CFAP57: variants seen among roughly 807,000 people sequenced by gnomAD.
The protein encoded by CFAP57 is cilia- and flagella-associated protein 57.
Under a neutral mutation model 146.8 loss-of-function variants are expected in CFAP57, and 116 were observed. The observed-to-expected ratio is 0.79, with a 90% CI of 0.68 to 0.92. CFAP57 has a LOEUF of 0.92. Among genes scored for constraint, CFAP57 ranks in the 40% least tolerant of loss-of-function variants. CFAP57 has a pLI of 0.00. For synonymous variants in CFAP57, 518 were observed against 552.8 expected, an observed-to-expected ratio of 0.94 and a Z score of 0.88; for missense variants, 1,377 against 1,527.2, an observed-to-expected ratio of 0.90 and a Z score of 1.64.
intron 18 of CFAP57, among the ~76,000 whole-genome samples, chr1:43,231,817 A>G (rs1431091411): frequency 6.6e-6 from 1 of 152,150 alleles, no homozygotes; most frequent in African/African-American, 2.4e-5. Flanking sequence ...CAGTGAGCCA[A>G]GATAGAGATC....
intron 17 of CFAP57, among the ~76,000 whole-genome samples, chr1:43,224,807 C>T (rs192184892): frequency 7.7e-4 from 117 of 152,330 alleles, no homozygotes; most frequent in Admixed American, 1.4e-3. Flanking sequence ...CCTGCCACTA[C>T]GGCCCAAGGC....
chr1:43,193,225 T>C (rs372162311), intron 6 of CFAP57, among the ~76,000 whole-genome samples: 34 of 152,214 alleles, frequency 2.2e-4, no homozygotes, highest in African/African-American at 8.2e-4. Flanking sequence ...TCTTTTTTCA[T>C]CCTTTTACTC....
At chr1:43,234,146 C>A (rs1645589333) in intron 19 of CFAP57, 133 bp from the exon 20 acceptor site, 2 of 1,074,908 alleles carry the variant, frequency 1.9e-6, no homozygotes, top group Non-Finnish European at 2.5e-6. Flanking sequence ...CCCAGTATGG[C>A]CCCTGGCAGT....
intron 6 of CFAP57, among the ~76,000 whole-genome samples, chr1:43,190,319 G>A (rs892413714): frequency 5.4e-5 from 8 of 147,106 alleles, no homozygotes; most frequent in Non-Finnish European, 8.9e-5. Flanking sequence ...CACCCAGGCT[G>A]GAGGGCAGTG....
intron 22 of CFAP57, among the ~76,000 whole-genome samples, chr1:43,251,815 C>T (rs573170172): frequency 3.4e-4 from 52 of 152,284 alleles, no homozygotes; most frequent in African/African-American, 1.1e-3. Flanking sequence ...AAAGCTAAAT[C>T]CTCGTCTTTC....
chr1:43,240,638 T>C (rs1353286787), intron 21 of CFAP57, among the ~76,000 whole-genome samples: 1 of 152,176 alleles, frequency 6.6e-6, no homozygotes, highest in African/African-American at 2.4e-5. Flanking sequence ...GGGCATTTCA[T>C]CCGAGACAGA....
intron 21 of CFAP57, among the ~76,000 whole-genome samples, chr1:43,236,505 C>G (rs1645695641): frequency 6.8e-6 from 1 of 147,938 alleles, no homozygotes; most frequent in South Asian, 2.1e-4. Context: ...GAAGAAAACA[C>G]CAACCTGAGA....
At chr1:43,207,772 C>T (rs1644418861) in intron 10 of CFAP57, among the ~76,000 whole-genome samples, 1 of 152,206 alleles carries the variant, frequency 6.6e-6, no homozygotes, top group Admixed American at 6.5e-5. Context: ...TGGTTCCTCC[C>T]ACTTTTCCTG....
chr1:43,249,605 T>C (rs1454020966), intron 22 of CFAP57, among the ~76,000 whole-genome samples: 4 of 143,660 alleles, frequency 2.8e-5, no homozygotes, highest in Non-Finnish European at 4.6e-5. Flanking sequence ...AACTTTTTTT[T>C]TTTTTTTTTT....
chr1:43,222,231 C>A lies in CFAP57; in HGVS notation c.2468C>A (p.Ala823Asp). 1 of 1,504,722 alleles carries A rather than the reference C, an allele frequency of 6.6e-7. No individual in the cohort carries two copies. The highest frequency in any genetic ancestry group is 2.6e-5 in the East Asian group (1 of 39,134). The allele number at this position is 1,504,722 out of a possible 1,614,324, so 93.2% of individuals were successfully genotyped here. The change falls in exon 15 of 23, where the codon GCC (alanine) becomes GAC (aspartate). Residue 823 changes from alanine to aspartate, a missense_variant. Physicochemically the swap from Ala to Asp is moderately radical, Grantham distance 126. Coordinates refer to ENST00000372492, the MANE Select transcript of CFAP57 (RefSeq NM_001378189.1). ...GATAACGATGAGACCAAGAGCCAGG[C>A]CCTGGAGGAGCTGACTGAGTTTTAC... is the stretch of plus-strand genomic sequence containing the variant. Reference protein sequence around the residue: ...LRDNDETKSQALEELTEFYEA... With the variant: ...LRDNDETKSQDLEELTEFYEA...
chr1:43,189,302 G>T (rs1339692084), intron 6 of CFAP57, among the ~76,000 whole-genome samples: 2 of 152,190 alleles, frequency 1.3e-5, no homozygotes, highest in Non-Finnish European at 2.9e-5. Flanking sequence ...TCCTCACCGG[G>T]ATTGCATTGA....
At chr1:43,242,981 G>A (rs1471151521) in intron 21 of CFAP57, among the ~76,000 whole-genome samples, 2 of 152,116 alleles carry the variant, frequency 1.3e-5, no homozygotes, top group Non-Finnish European at 1.5e-5. Context: ...TGTTGTTGCT[G>A]TTGACGTTGC....
chr1:43,245,351 A>G (rs76337531), intron 22 of CFAP57, among the ~76,000 whole-genome samples: 1 of 151,814 alleles, frequency 6.6e-6, no homozygotes, highest in East Asian at 1.9e-4. Flanking sequence ...AGTTTTAAAT[A>G]TGTCCAAGTA....
chr1:43,199,438 G>A lies in CFAP57; in HGVS notation c.1477G>A (p.Val493Met), dbSNP rs1308406817. 2.5e-6 allele frequency: 4 copies of A among 1,614,046 alleles called. No homozygotes were observed. The Admixed American group carries it at 6.7e-5, about 27-fold the overall frequency. ...GHLFAAVNGN[V>M]IHVYTTTSLE... ...CCTGTTTGCTGCAGTCAATGGAAAT[G>A]TGATTCACGTTTACACCACCACGAG... Residue 493 changes from valine to methionine, a missense_variant, in exon 9 of 23, where the codon GTG becomes ATG. By Grantham distance (21) the Val-to-Met change is conservative (BLOSUM62 1). Coordinates refer to ENST00000372492, the MANE Select transcript of CFAP57 (RefSeq NM_001378189.1).
intron 2 of CFAP57, among the ~76,000 whole-genome samples, chr1:43,179,360 A>G (rs1645298248): frequency 6.6e-6 from 1 of 152,238 alleles, no homozygotes; most frequent in Non-Finnish European, 1.5e-5. Context: ...CTGGGTCGAA[A>G]CAATGCAAAA....
In CFAP57 at chr1:43,234,321, C is replaced by G. The variant is rs1412531575; in HGVS notation, c.3169C>G (p.Leu1057Val). Reference protein sequence around the residue: ...EALVKRFKTDLHNCVAYIQEP... With the variant: ...EALVKRFKTDVHNCVAYIQEP... ...GCTGGTCAAAAGGTTTAAAACAGAC[C>G]TCCACAACTGCGTAGCCTATATTCA... The change falls in exon 20 of 23, where the codon CTC becomes GTC. Residue 1057 changes from leucine to valine, a missense_variant. Coordinates refer to ENST00000372492, the MANE Select transcript of CFAP57 (RefSeq NM_001378189.1). The G allele has an allele frequency of 1.3e-6, 2 of 1,549,958 alleles. No individual in the cohort carries two copies. The highest frequency in any genetic ancestry group is 1.7e-6 in the Non-Finnish European group (2 of 1,146,870).
rs1431490044 is a variant in CFAP57, at chr1:43,254,022, A to C, written c.3584A>C (p.Asn1195Thr). 6.4e-7 allele frequency: 1 copy of C among 1,550,634 alleles called. No individual in the cohort carries two copies. The highest frequency in any genetic ancestry group is 2.4e-5 in the East Asian group (1 of 40,914). The change falls in exon 23 of 23, where the codon AAT becomes ACT. Residue 1195 changes from asparagine (N) to threonine (T), a missense_variant. Asn to Thr is a moderately conservative substitution (Grantham distance 65). Coordinates refer to ENST00000372492, the MANE Select transcript of CFAP57 (RefSeq NM_001378189.1). ...MLSTAPTARL[N>T]EQEETGRIIE... is the part of the protein sequence containing the mutation. ...AGCACAGCTCCCACCGCAAGGTTGA[A>C]TGAGCAAGAAGAAACTGGGAGGATC...
intron 9 of CFAP57, among the ~76,000 whole-genome samples, chr1:43,204,530 C>T (rs555822264): frequency 2.0e-5 from 3 of 152,246 alleles, no homozygotes; most frequent in Non-Finnish European, 2.9e-5. Flanking sequence ...TTATCTGTTT[C>T]GTGACTTGGC....
intron 2 of CFAP57, 114 bp downstream of exon 2, chr1:43,173,024 G>A (rs1228687499): frequency 1.1e-6 from 1 of 905,054 alleles, no homozygotes; most frequent in Non-Finnish European, 1.8e-6. Context: ...TATATATGCA[G>A]TATTATAAAT....
Sources: gnomAD v4.1 joint callset for allele counts (sites outside exome capture counted in the v4.1 genomes callset) on GRCh38, gnomAD v4.1.1 for gene constraint, MANE v1.5 for transcripts, NCBI Gene and HGNC (gene_info 2026-07-23, HGNC 2026-07-21) for gene names.